LPIN1: variants seen among roughly 807,000 people sequenced by gnomAD.
LPIN1 encodes the protein phosphatidate phosphatase LPIN1.
LPIN1 carries 71 observed loss-of-function variants against 107.5 expected under a neutral mutation model. The observed-to-expected ratio is 0.66, with a 90% CI of 0.55 to 0.80. The LOEUF (loss-of-function observed/expected upper bound fraction) is 0.80. LPIN1 is among the 30% of genes least tolerant of loss of function. The pLI is 0.00. For missense variants in LPIN1, 1,043 were observed against 1,160.6 expected, an observed-to-expected ratio of 0.90 and a Z score of 1.47; for synonymous variants, 445 against 452.6, an observed-to-expected ratio of 0.98 and a Z score of 0.21.
At chr2:11,700,298 T>G (rs73179396) in intron 1 of LPIN1, among the ~76,000 whole-genome samples, 8,841 of 152,198 alleles carry the variant, frequency 0.058, 666 homozygotes, top group African/African-American at 0.17. Context: ...CTCTTAGACT[T>G]AAACAACCTC....
intron 1 of LPIN1, among the ~76,000 whole-genome samples, chr2:11,684,476 C>G (rs1240208623): frequency 1.3e-5 from 2 of 152,256 alleles, no homozygotes; most frequent in African/African-American, 4.8e-5. Flanking sequence ...CTGTGCCCAA[C>G]TCTCTTGTTT....
chr2:11,811,111 G>A (rs958217808), intron 17 of LPIN1, among the ~76,000 whole-genome samples: 3 of 152,156 alleles, frequency 2.0e-5, no homozygotes, highest in Non-Finnish European at 2.9e-5. Flanking sequence ...TTTTCCCCAA[G>A]CACCCTCTGC....
chr2:11,775,036 C>T (rs1022886815), intron 5 of LPIN1, among the ~76,000 whole-genome samples: 5 of 150,742 alleles, frequency 3.3e-5, no homozygotes, highest in African/African-American at 1.2e-4. Flanking sequence ...TCCAAAATAT[C>T]ATTTCAACAA....
intron 9 of LPIN1, 57 bp from the exon 10 acceptor site, chr2:11,784,829 T>G (rs563447324): frequency 7.7e-6 from 12 of 1,556,640 alleles, no homozygotes; most frequent in Non-Finnish European, 1.1e-5. Context: ...GATGGTGATG[T>G]AGGACCCTGA....
chr2:11,745,310 G>C (rs901674859), upstream of LPIN1: 3 of 152,318 alleles, frequency 2.0e-5, no homozygotes, highest in Admixed American at 1.3e-4. Context: ...CCGGTTTCCT[G>C]CAGTGCCACC....
rs1666973642 is a variant in LPIN1, at chr2:11,746,661, G to T, written c.-20G>T. 9.1e-6 allele frequency: 9 copies of T among 985,182 alleles called. No individual in the cohort carries two copies. The highest frequency in any genetic ancestry group is 1.1e-5 in the Non-Finnish European group (9 of 829,784). 61.0% of individuals were successfully genotyped at this position (985,182 alleles called of 1,614,324 possible). A position where few individuals can be genotyped will look rare whatever the true frequency, so the allele number is the denominator to read the frequency against. ...TTGCAATACAAAGGCGGCCACGCGC[G>T]GCGCCGCTCGGTGAGTAGCCGCCGC... On this transcript the variant is annotated 5_prime_UTR_variant, in exon 1 of 21. Transcript: ENST00000674199.
chr2:11,749,893 G>GCCC (rs1667531300), intron 1 of LPIN1, among the ~76,000 whole-genome samples: 1 of 152,204 alleles, frequency 6.6e-6, no homozygotes, highest in Non-Finnish European at 1.5e-5. Context: ...AAAATTTTCG[G>GCCC]CTGATGCTGA....
chr2:11,742,669 G>A (rs1365848878), upstream of LPIN1, among the ~76,000 whole-genome samples: 3 of 152,182 alleles, frequency 2.0e-5, no homozygotes, highest in African/African-American at 4.8e-5. Flanking sequence ...TTCCCTGTCC[G>A]CTCCTCGCAC....
At chr2:11,742,314 T>C (rs540525259), upstream of LPIN1, among the ~76,000 whole-genome samples, 2 of 152,302 alleles carry the variant, frequency 1.3e-5, no homozygotes, top group East Asian at 1.9e-4. Flanking sequence ...TACTGACCCA[T>C]TGTTTGCCTC....
intron 1 of LPIN1, among the ~76,000 whole-genome samples, chr2:11,755,038 T>C (rs1186584788): frequency 6.6e-6 from 1 of 151,432 alleles, no homozygotes; most frequent in Non-Finnish European, 1.5e-5. Flanking sequence ...CGATCTCGGC[T>C]CACTGCAAGC....
At chr2:11,781,322 T>C (rs1186593743) in intron 7 of LPIN1, among the ~76,000 whole-genome samples, 2 of 152,242 alleles carry the variant, frequency 1.3e-5, no homozygotes, top group Non-Finnish European at 2.9e-5. Context: ...CAAGTTTATG[T>C]CGTTAGTTGC....
intron 1 of LPIN1, among the ~76,000 whole-genome samples, chr2:11,711,105 G>C (rs1480595455): frequency 6.6e-6 from 1 of 152,180 alleles, no homozygotes. Context: ...ACTGCTGGCA[G>C]CCTTCCTAGC....
intron 1 of LPIN1, among the ~76,000 whole-genome samples, chr2:11,724,808 T>C (rs1432887984): frequency 6.6e-6 from 1 of 152,322 alleles, no homozygotes; most frequent in Non-Finnish European, 1.5e-5. Context: ...GGAGTTTTGA[T>C]TCTGTTTGCT....
Position 11,786,747 on chromosome 2 carries a change from C to G in LPIN1, c.1550-327C>G, listed in dbSNP as rs1031341500. On this transcript the variant is annotated intron_variant, in intron 10 of 20. Transcript: ENST00000674199. This position sits in a 1 kb window ranked among gnomAD's most constrained non-coding sequence, Gnocchi z 4.1. ...TTCAGCCGAGGGAGCCTGGCTTCTG[C>G]GCCATGCGTAGCCATGACTCTGCCT... Among the ~76,000 whole-genome samples the G allele has an allele frequency of 6.6e-6, 1 of 152,206 alleles. No individual in the cohort carries two copies. The highest frequency in any genetic ancestry group is 1.5e-5 in the Non-Finnish European group (1 of 68,036).
intron 1 of LPIN1, among the ~76,000 whole-genome samples, chr2:11,759,186 TTTCTTTTC>T (rs1477651467): frequency 4.2e-5 from 6 of 144,500 alleles, no homozygotes; most frequent in East Asian, 2.0e-4. Context: ...TCTTTCTTTC[TTTCTTTTC>T]TTTCTTTCTT....
intron 6 of LPIN1, among the ~76,000 whole-genome samples, chr2:11,778,447 T>G (rs146572242): frequency 6.6e-6 from 1 of 152,290 alleles, no homozygotes; most frequent in East Asian, 1.9e-4. Context: ...GCCCACAAGG[T>G]CCCTGTTTGT....
At chr2:11,823,397 T>A (rs766761811) in intron 20 of LPIN1, among the ~76,000 whole-genome samples, 5 of 152,158 alleles carry the variant, frequency 3.3e-5, no homozygotes, top group Non-Finnish European at 7.3e-5. Flanking sequence ...TAAAAATCTG[T>A]CTGTTTGTTT....
upstream of LPIN1, among the ~76,000 whole-genome samples, chr2:11,720,515 G>T (rs1234716391): frequency 6.6e-6 from 1 of 152,144 alleles, no homozygotes. Flanking sequence ...CTGACATAGC[G>T]GGGGAGGTTG....
chr2:11,784,508 GC>G (rs560939254), intron 9 of LPIN1, among the ~76,000 whole-genome samples: 34 of 152,270 alleles, frequency 2.2e-4, no homozygotes, highest in African/African-American at 7.5e-4. Flanking sequence ...CCAGTAAGTG[GC>G]AGCTGTGCAG....
Sources: allele counts gnomAD v4.1 joint callset (sites outside exome capture counted in the v4.1 genomes callset), GRCh38; gene constraint gnomAD v4.1.1; non-coding constraint Gnocchi (gnomAD v3.1); transcripts MANE v1.5; gene names NCBI Gene and HGNC (gene_info 2026-07-23, HGNC 2026-07-21).